The following PPFIA1 variants were observed in gnomAD, a reference collection of about 807,000 sequenced individuals.
The protein encoded by PPFIA1 is liprin-alpha-1.
In PPFIA1, 25 loss-of-function variants were observed where a neutral mutation model predicts 149.9. That is an observed-to-expected ratio of 0.17 (90% CI 0.12 to 0.23). The LOEUF is 0.23. Ranked by LOEUF, PPFIA1 falls within the 10% of genes least tolerant of loss-of-function variation. The pLI, the probability that PPFIA1 is intolerant of heterozygous loss-of-function variation, is 1.00. For missense variants in PPFIA1, 1,362 were observed against 1,506.5 expected, an observed-to-expected ratio of 0.90 and a Z score of 1.59; for synonymous variants, 549 against 552.8, an observed-to-expected ratio of 0.99 and a Z score of 0.10.
At chr11:70,276,529 G>C (rs2050389922) in intron 2 of PPFIA1, among the ~76,000 whole-genome samples, 1 of 152,150 alleles carries the variant, frequency 6.6e-6, no homozygotes, top group Non-Finnish European at 1.5e-5. Context: ...TCAAGGTTAT[G>C]CTGGTTTCTT....
intron 19 of PPFIA1, 43 bp from the exon 20 acceptor site, chr11:70,362,052 T>C: frequency 6.3e-7 from 1 of 1,581,604 alleles, no homozygotes. Flanking sequence ...TGAGCTACCA[T>C]GCCTGGCTGA....
rs2057428087 is a variant in PPFIA1, at chr11:70,375,083, A to T, written c.3305A>T (p.Gln1102Leu). 6.2e-7 allele frequency: 1 copy of T among 1,609,980 alleles called. No homozygotes were observed. Among genetic ancestry groups the T allele is most frequent in the South Asian group, 1.1e-5 (1 of 90,308 alleles). ...ALALLLQIPT[Q>L]NTQARAVLER... ...GCACTGCTGTTACAGATCCCGACGCAGAACACACAGGTGACGCCAAACCTG... is the reference window on the plus strand; with the variant it reads ...GCACTGCTGTTACAGATCCCGACGCTGAACACACAGGTGACGCCAAACCTG... Residue 1102 changes from glutamine to leucine, a missense_variant, in exon 24 of 28, where the codon CAG becomes CTG. By Grantham distance (113) the Gln-to-Leu change is moderately radical. This residue lies in a region of PPFIA1 where 349 missense variants were observed against 373.3 expected (regional missense o/e 0.93). Coordinates refer to ENST00000253925, the MANE Select transcript of PPFIA1 (RefSeq NM_003626.5).
intron 2 of PPFIA1, among the ~76,000 whole-genome samples, chr11:70,317,271 T>C (rs2053691947): frequency 6.6e-6 from 1 of 152,170 alleles, no homozygotes; most frequent in South Asian, 2.1e-4. Context: ...TTTTCTGCAA[T>C]AATAATGCAA....
intron 2 of PPFIA1, among the ~76,000 whole-genome samples, chr11:70,309,799 A>G (rs1390977831): frequency 2.0e-5 from 3 of 152,234 alleles, no homozygotes; most frequent in African/African-American, 7.2e-5. Flanking sequence ...CGAAACAGGC[A>G]GATACACAGA....
chr11:70,359,786 A>G (rs891112900), intron 19 of PPFIA1, among the ~76,000 whole-genome samples: 2 of 152,252 alleles, frequency 1.3e-5, no homozygotes, highest in Non-Finnish European at 2.9e-5. Context: ...TAGCATTCTC[A>G]GTAGCAAGTG....
intron 2 of PPFIA1, among the ~76,000 whole-genome samples, chr11:70,290,145 G>C (rs1423844320): frequency 6.6e-6 from 1 of 152,090 alleles, no homozygotes; most frequent in Non-Finnish European, 1.5e-5. Context: ...CACGAGAATC[G>C]CTTGGGCCTG....
intron 2 of PPFIA1, among the ~76,000 whole-genome samples, chr11:70,304,778 A>G (rs1021711224): frequency 3.3e-5 from 5 of 152,212 alleles, no homozygotes; most frequent in African/African-American, 1.2e-4. Context: ...ACACAGCGGC[A>G]GAATTGCTTT....
At chr11:70,366,568 A>G (rs539955660) in intron 21 of PPFIA1, among the ~76,000 whole-genome samples, 1 of 152,362 alleles carries the variant, frequency 6.6e-6, no homozygotes, top group East Asian at 1.9e-4. Context: ...ATGTTCAGAC[A>G]GCTTGCCGAA....
chr11:70,365,494 G>A, intron 21 of PPFIA1: 1 of 452,684 alleles, frequency 2.2e-6, no homozygotes, highest in Non-Finnish European at 4.5e-6. Context: ...AAGACCGTCT[G>A]GGTTCTTTGC....
At chr11:70,300,423 A>T (rs568874187) in intron 2 of PPFIA1, among the ~76,000 whole-genome samples, 1 of 152,140 alleles carries the variant, frequency 6.6e-6, no homozygotes, top group South Asian at 2.1e-4. Flanking sequence ...AGGCTGGAGT[A>T]CAGTGGCCCG....
At position 70,335,703 on chromosome 11, in the gene PPFIA1, G is replaced by A; in HGVS notation, c.1428+9G>A. 1 of 1,613,512 alleles carries A rather than the reference G, an allele frequency of 6.2e-7. No homozygotes were observed. The highest frequency in any genetic ancestry group is 8.5e-7 in the Non-Finnish European group (1 of 1,179,676). ...CTGCTTTGGAAGATAAGGTAAGTTA[G>A]ATAACACGGACATGCTGGAGCTTTC... On this transcript the variant is annotated intron_variant, in intron 11 of 27. Transcript: ENST00000253925.
At chr11:70,295,489 C>A (rs566738734) in intron 2 of PPFIA1, among the ~76,000 whole-genome samples, 1 of 131,784 alleles carries the variant, frequency 7.6e-6, no homozygotes, top group Non-Finnish European at 1.6e-5. Context: ...CTGGACGGGG[C>A]GGCTGGCCGG....
At chr11:70,379,930 T>A (rs930992017) in intron 26 of PPFIA1, among the ~76,000 whole-genome samples, 1 of 152,122 alleles carries the variant, frequency 6.6e-6, no homozygotes, top group African/African-American at 2.4e-5. Context: ...CTTCCAAGAG[T>A]CATGCATATA....
At chr11:70,371,521 C>CGTGCTCTGTCTTCT (rs1186159805) in intron 21 of PPFIA1, 127 of 1,528 alleles carry the variant, frequency 0.083, no homozygotes, top group South Asian at 0.25. Context: ...TTCTACATTC[C>CGTGCTCTGTCTTCT]ATTGTTGGGT....
At chr11:70,310,384 A>AGT (rs2053176358) in intron 2 of PPFIA1, among the ~76,000 whole-genome samples, 1 of 141,392 alleles carries the variant, frequency 7.1e-6, no homozygotes, top group Admixed American at 7.2e-5. Flanking sequence ...TCATCCATGT[A>AGT]CTTTTTTTTT....
Position 70,356,205 on chromosome 11 carries a change from C to G in PPFIA1, c.2533C>G (p.Leu845Val). 6.2e-7 allele frequency: 1 copy of G among 1,613,920 alleles called. No homozygotes were observed. The highest frequency in any genetic ancestry group is 8.5e-7 in the Non-Finnish European group (1 of 1,180,010). ...TDNSSQDALGLSKLGGQAEKN... is the reference protein window; with the variant it reads ...TDNSSQDALGVSKLGGQAEKN... ...TAACTCATCTCAGGATGCCTTGGGA[C>G]TTAGCAAATTGGGGGGACAGGCTGA... Residue 845 changes from leucine (L) to valine (V), a missense_variant, in exon 19 of 28, where the codon CTT becomes GTT. This residue lies in a region of PPFIA1 where 91 missense variants were observed against 91.2 expected (regional missense o/e 1.00). Coordinates refer to ENST00000253925, the MANE Select transcript of PPFIA1 (RefSeq NM_003626.5).
Position 70,348,382 on chromosome 11 carries a change from C to T in PPFIA1, c.2125C>T (p.Pro709Ser). 1 of 1,613,834 alleles carries T rather than the reference C, an allele frequency of 6.2e-7. No homozygotes were observed. The highest frequency in any genetic ancestry group is 2.2e-5 in the East Asian group (1 of 44,872). Residue 709 changes from proline (P) to serine (S), a missense_variant, in exon 16 of 28, where the codon CCA becomes TCA. Pro to Ser is a moderately conservative substitution (Grantham distance 74). Around this residue, in one of 7 missense-constraint regions of PPFIA1, gnomAD observed 733 missense variants for 744.1 expected, o/e 0.99. Transcript: ENST00000253925. ...CACCCCACGAAGGATCCCTCACAGC[C>T]CAGCTCGGGAAGTGGACAGACTGGG... ...RSTPRRIPHS[P>S]AREVDRLGVM...
intron 10 of PPFIA1, among the ~76,000 whole-genome samples, chr11:70,334,039 A>C (rs2054826601): frequency 6.6e-6 from 1 of 152,208 alleles, no homozygotes; most frequent in African/African-American, 2.4e-5. Context: ...AATGTTTCTA[A>C]GCAAGAGCAA....
At chr11:70,366,421 C>T (rs1283586450) in intron 21 of PPFIA1, among the ~76,000 whole-genome samples, 2 of 152,308 alleles carry the variant, frequency 1.3e-5, no homozygotes, top group East Asian at 3.9e-4. Context: ...TATCCTAATA[C>T]TATGTCCACT....
Sources: allele counts gnomAD v4.1 joint callset (sites outside exome capture counted in the v4.1 genomes callset), GRCh38; gene constraint gnomAD v4.1.1; regional missense constraint gnomAD v4.1.1; transcripts MANE v1.5; gene names NCBI Gene and HGNC (gene_info 2026-07-23, HGNC 2026-07-21).